The following FABP6 variants were observed in gnomAD, a reference collection of about 807,000 sequenced individuals.
The protein encoded by FABP6 is gastrotropin.
A neutral mutation model predicts 14.9 loss-of-function variants in FABP6; 13 were observed. The ratio of observed to expected loss-of-function variants is 0.87; its 90% CI spans 0.57 to 1.39. The LOEUF (loss-of-function observed/expected upper bound fraction) is 1.39. FABP6 is among the 40% of genes most tolerant of loss of function. FABP6 has a pLI of 0.00. For missense variants in FABP6, 161 were observed against 167.2 expected, an observed-to-expected ratio of 0.96 and a Z score of 0.20; for synonymous variants, 75 against 63.6, an observed-to-expected ratio of 1.18 and a Z score of -0.85.
intron 1 of FABP6, among the ~76,000 whole-genome samples, chr5:160,189,170 G>A (rs1413645494): frequency 6.6e-6 from 1 of 152,096 alleles, no homozygotes; most frequent in Admixed American, 6.6e-5. Context: ...GGCATGATGT[G>A]TTTCCATGAA....
chr5:160,212,257 C>T (rs28451664), intron 2 of FABP6, among the ~76,000 whole-genome samples: 64,114 of 151,766 alleles, frequency 0.42, 13,549 homozygotes, highest in Non-Finnish European at 0.43. Flanking sequence ...TGGGTTCAAG[C>T]GATTCTCCTG....
chr5:160,198,682 T>A (rs1047553420), intron 1 of FABP6: 2 of 180,918 alleles, frequency 1.1e-5, no homozygotes, highest in Admixed American at 1.1e-4. Flanking sequence ...GCCTGCACCA[T>A]CCCCCTAGCT....
intron 1 of FABP6, among the ~76,000 whole-genome samples, chr5:160,190,311 C>T (rs1759368719): frequency 6.6e-6 from 1 of 152,014 alleles, no homozygotes; most frequent in South Asian, 2.1e-4. Context: ...CGGCTCACCG[C>T]AACCTCCACC....
chr5:160,231,780 T>C (rs1420813346), intron 1 of FABP6, among the ~76,000 whole-genome samples: 1 of 152,164 alleles, frequency 6.6e-6, no homozygotes, highest in Non-Finnish European at 1.5e-5. Context: ...TGGTTATTAT[T>C]GATGAGCACC....
rs372732793 is a variant in FABP6, at chr5:160,237,577, T to C, written c.334-1029T>C. Among the ~76,000 whole-genome samples, 5 of 152,120 alleles carry C rather than the reference T, an allele frequency of 3.3e-5. No homozygotes were observed. In the East Asian group the frequency reaches 9.7e-4, roughly 29 times the overall value. On this transcript the variant is annotated intron_variant, in intron 3 of 3. Coordinates refer to ENST00000402432, the MANE Select transcript of FABP6 (RefSeq NM_001445.3). ...CACCAGCACCCCTGCCATGTTCTCA[T>C]CACCTCTCCCCTACACCAAGCCCCA...
intron 3 of FABP6, among the ~76,000 whole-genome samples, chr5:160,220,916 C>T (rs927545484): frequency 3.3e-5 from 5 of 151,394 alleles, no homozygotes; most frequent in African/African-American, 7.3e-5. Context: ...GGTGAAACCC[C>T]GTCTCTACTA....
upstream of FABP6, chr5:160,229,346 G>A (rs993154707): frequency 1.0e-5 from 12 of 1,198,490 alleles, no homozygotes; most frequent in African/African-American, 1.5e-4. Flanking sequence ...CACTTCCCCA[G>A]GGTGAATAAC....
At chr5:160,223,385 C>CCTTCCT (rs1760173353) in intron 3 of FABP6, among the ~76,000 whole-genome samples, 2 of 55,428 alleles carry the variant, frequency 3.6e-5, no homozygotes, top group South Asian at 1.2e-3. Context: ...CTCCCTCCCT[C>CCTTCCT]TCTCCTTCCT....
Position 160,238,624 on chromosome 5 carries a change from G to A in FABP6, c.352G>A (p.Val118Met), listed in dbSNP as rs200869631. ...CTTTCAGGTCTCCACCATCGGAGGC[G>A]TGACCTATGAGCGCGTGAGCAAGAG... ...KLVEVSTIGG[V>M]TYERVSKRLA is the part of the protein sequence containing the mutation. The change falls in exon 4 of 4, where the codon GTG (valine) becomes ATG (methionine). Residue 118 changes from valine (V) to methionine (M), a missense_variant. Val to Met is a conservative substitution (Grantham distance 21). Transcript: ENST00000402432. The A allele has an allele frequency of 6.4e-5, 103 of 1,613,880 alleles. No homozygotes were observed. Among genetic ancestry groups the A allele is most frequent in the East Asian group, 2.5e-4 (11 of 44,878 alleles).
At chr5:160,222,046 G>C (rs1429730048) in intron 3 of FABP6, among the ~76,000 whole-genome samples, 1 of 150,970 alleles carries the variant, frequency 6.6e-6, no homozygotes, top group Non-Finnish European at 1.5e-5. Context: ...AAGGATTATA[G>C]GTAGCTTCAA....
intron 2 of FABP6, chr5:160,199,218 A>G: frequency 1.3e-6 from 2 of 1,566,936 alleles, no homozygotes; most frequent in South Asian, 1.1e-5. Context: ...CCCAGGTCAC[A>G]GTGGGGAGAA....
upstream of FABP6, among the ~76,000 whole-genome samples, chr5:160,229,171 T>C (rs1165876433): frequency 6.6e-6 from 1 of 152,168 alleles, no homozygotes; most frequent in African/African-American, 2.4e-5. Context: ...ATGCAGCAAG[T>C]GCTCAAGTGC....
chr5:160,232,514 A>T (rs1353498781), intron 2 of FABP6, among the ~76,000 whole-genome samples: 1 of 152,222 alleles, frequency 6.6e-6, no homozygotes, highest in East Asian at 1.9e-4. Flanking sequence ...ACACTTGCTG[A>T]ATAGTTTTTC....
At chr5:160,201,394 C>T (rs1186122723) in intron 2 of FABP6, among the ~76,000 whole-genome samples, 2 of 108,320 alleles carry the variant, frequency 1.8e-5, no homozygotes, top group African/African-American at 3.5e-5. Flanking sequence ...CTAGTGGTTT[C>T]GTTTGCCTAG....
intron 2 of FABP6, among the ~76,000 whole-genome samples, chr5:160,209,028 G>A (rs1348445810): frequency 3.3e-5 from 5 of 150,598 alleles, no homozygotes; most frequent in Non-Finnish European, 7.4e-5. Context: ...TGCCTGCCTC[G>A]GCCTCCCAGA....
intron 1 of FABP6, among the ~76,000 whole-genome samples, chr5:160,190,468 G>C (rs1001791454): frequency 6.6e-6 from 1 of 152,174 alleles, no homozygotes; most frequent in Admixed American, 6.5e-5. Flanking sequence ...CCGACCTCAG[G>C]CGATCTGCCC....
intron 2 of FABP6, among the ~76,000 whole-genome samples, chr5:160,199,549 C>G (rs55636938): frequency 0.18 from 26,870 of 152,160 alleles, 2,965 homozygotes; most frequent in Non-Finnish European, 0.25. Context: ...TCCCGGCTCC[C>G]CGTCGGCCTG....
At position 160,234,539 on chromosome 5, in the gene FABP6, G is replaced by A. The variant is rs537610179; in HGVS notation, c.244-281G>A. The stretch of plus-strand genomic sequence containing the variant: ...CCTCCCGGGTTCAAGTGATTCTCAC[G>A]CCTCAGCCTCCCAAGTAGCTGGGAT... On this transcript the variant is annotated intron_variant, in intron 2 of 3. Coordinates refer to ENST00000402432, the MANE Select transcript of FABP6 (RefSeq NM_001445.3). 6.0e-5 allele frequency among the ~76,000 whole-genome samples: 9 copies of A among 150,924 alleles called. No homozygotes were observed. The East Asian group carries it at 7.8e-4, about 13-fold the overall frequency.
intron 1 of FABP6, among the ~76,000 whole-genome samples, chr5:160,188,114 C>T (rs1189390922): frequency 6.6e-6 from 1 of 152,030 alleles, no homozygotes; most frequent in Non-Finnish European, 1.5e-5. Context: ...TCCTCTGGGG[C>T]AGCCCTCCCA....
Sources: gnomAD v4.1 joint callset for allele counts (sites outside exome capture counted in the v4.1 genomes callset) on GRCh38, gnomAD v4.1.1 for gene constraint, MANE v1.5 for transcripts, NCBI Gene and HGNC (gene_info 2026-07-23, HGNC 2026-07-21) for gene names.